UBR1: variants seen among roughly 807,000 people sequenced by gnomAD.
UBR1 encodes the protein ubiquitin protein ligase E3 component n-recognin 1.
In UBR1, 102 loss-of-function variants were observed where a neutral mutation model predicts 242.1. The observed-to-expected ratio is 0.42, with a 90% CI of 0.36 to 0.50. The LOEUF is 0.50. Ranked by LOEUF, UBR1 falls within the 20% of genes least tolerant of loss-of-function variation. UBR1 has a pLI of 0.01. For synonymous variants in UBR1, 675 were observed against 684.8 expected (o/e 0.99, Z 0.22); for missense variants, 1,772 against 2,101.8 (o/e 0.84, Z 3.07).
intron 3 of UBR1, among the ~76,000 whole-genome samples, chr15:43,076,195 C>T (rs1027192664): frequency 6.6e-6 from 1 of 151,890 alleles, no homozygotes; most frequent in South Asian, 2.1e-4. Flanking sequence ...TTGGCCGGGC[C>T]AGTCTCCAGC....
intron 43 of UBR1, 22 bp from the exon 44 acceptor site, chr15:42,958,112 A>T: frequency 6.3e-7 from 1 of 1,578,088 alleles, no homozygotes; most frequent in South Asian, 1.1e-5. Context: ...TTTAAAAGGC[A>T]ATTTTATTTT....
chr15:43,018,941 A>C (rs902761405), intron 27 of UBR1, among the ~76,000 whole-genome samples: 1 of 152,226 alleles, frequency 6.6e-6, no homozygotes, highest in African/African-American at 2.4e-5. Flanking sequence ...TGGTACCTCG[A>C]TTTACTTTCT....
Position 42,966,205 on chromosome 15 carries a change from T to G in UBR1, c.4539A>C (p.Ala1513=). ...NGITPYLRCA[A]LFFHYLLGVT... ...CCCCAAGTAAATAGTGGAAAAACAA[T>G]GCAGCACAGCGAAGATAAGGGGTGA... The change falls in exon 41 of 47, where the codon GCA becomes GCC. Residue 1513 remains alanine (A), a synonymous_variant. Coordinates refer to ENST00000290650, the MANE Select transcript of UBR1 (RefSeq NM_174916.3). The G allele has an allele frequency of 6.2e-7, 1 of 1,614,128 alleles. No homozygotes were observed. The highest frequency in any genetic ancestry group is 1.1e-5 in the South Asian group (1 of 91,092).
At chr15:42,988,618 G>A in intron 35 of UBR1, 1 of 684,204 alleles carries the variant, frequency 1.5e-6, no homozygotes, top group Admixed American at 2.6e-5. Flanking sequence ...GTTGCATATG[G>A]CCACAATCAT....
At chr15:43,013,094 C>T (rs766316415) in intron 29 of UBR1, among the ~76,000 whole-genome samples, 3 of 152,078 alleles carry the variant, frequency 2.0e-5, no homozygotes, top group Non-Finnish European at 4.4e-5. Flanking sequence ...TTAGTAGAGA[C>T]GGGGTTTTGC....
chr15:43,027,450 A>C (rs2033192871), intron 22 of UBR1, among the ~76,000 whole-genome samples: 1 of 152,128 alleles, frequency 6.6e-6, no homozygotes, highest in African/African-American at 2.4e-5. Flanking sequence ...TTAGCATATA[A>C]AATAAAAATT....
chr15:43,091,577 A>G (rs2034105735), intron 1 of UBR1, among the ~76,000 whole-genome samples: 1 of 152,158 alleles, frequency 6.6e-6, no homozygotes, highest in Non-Finnish European at 1.5e-5. Context: ...ACCGAACACT[A>G]CTGAAGGCTA....
chr15:43,076,193 G>A (rs995500516), intron 3 of UBR1, among the ~76,000 whole-genome samples: 9 of 151,924 alleles, frequency 5.9e-5, no homozygotes, highest in Non-Finnish European at 1.3e-4. Flanking sequence ...TGTTGGCCGG[G>A]CCAGTCTCCA....
At chr15:43,098,132 G>C (rs969879573) in intron 1 of UBR1, among the ~76,000 whole-genome samples, 2 of 152,174 alleles carry the variant, frequency 1.3e-5, no homozygotes, top group African/African-American at 4.8e-5. Context: ...TCCCATCTTA[G>C]GGTATAGGGA....
At chr15:42,980,589 TATCCATCC>T (rs111388433) in intron 37 of UBR1, among the ~76,000 whole-genome samples, 11 of 151,612 alleles carry the variant, frequency 7.3e-5, no homozygotes, top group African/African-American at 1.9e-4. Flanking sequence ...CCTATCTATC[TATCCATCC>T]ATCCATCCAT....
At chr15:43,060,843 A>G (rs1405766312) in intron 6 of UBR1, among the ~76,000 whole-genome samples, 1 of 152,138 alleles carries the variant, frequency 6.6e-6, no homozygotes, top group Admixed American at 6.6e-5. Context: ...ACTTTTAACC[A>G]TCCTGTAATA....
chr15:43,038,380 G>A (rs1366768344), intron 15 of UBR1, 148 bp from the exon 16 acceptor site: 1 of 705,468 alleles, frequency 1.4e-6, no homozygotes. Context: ...AGGCCTAGGT[G>A]GGTGGATCAT....
At chr15:43,056,717 A>T (rs1414081681) in intron 10 of UBR1, among the ~76,000 whole-genome samples, 4 of 152,224 alleles carry the variant, frequency 2.6e-5, no homozygotes, top group Non-Finnish European at 5.9e-5. Flanking sequence ...CAAACAAACA[A>T]ACAAAAAACA....
chr15:43,017,087 T>C lies in UBR1; in HGVS notation c.3027+8A>G. Reference sequence around the variant, plus strand: ...CACCATTACTACAGTGTTATTACAGTGTCATACCTCATCATTCTTAATAGA... The same window carrying C: ...CACCATTACTACAGTGTTATTACAGCGTCATACCTCATCATTCTTAATAGA... On this transcript the variant is annotated splice_region_variant and intron_variant, in intron 28 of 46. Transcript: ENST00000290650. The C allele has an allele frequency of 1.2e-6, 2 of 1,604,270 alleles. No individual in the cohort carries two copies. The highest frequency in any genetic ancestry group is 1.7e-6 in the Non-Finnish European group (2 of 1,171,352).
At chr15:43,070,648 C>T (rs1213853818) in intron 5 of UBR1, 147 bp downstream of exon 5, 2 of 1,258,810 alleles carry the variant, frequency 1.6e-6, no homozygotes, top group Non-Finnish European at 2.3e-6. Context: ...TACAAACGGA[C>T]ATTTTGAAAT....
chr15:43,095,310 A>G (rs2034146072), intron 1 of UBR1, among the ~76,000 whole-genome samples: 1 of 152,206 alleles, frequency 6.6e-6, no homozygotes, highest in African/African-American at 2.4e-5. Flanking sequence ...ACTCCTCTAA[A>G]CAAGTCAAAC....
chr15:43,043,164 C>T, intron 15 of UBR1, 51 bp downstream of exon 15: 1 of 1,593,718 alleles, frequency 6.3e-7, no homozygotes, highest in Non-Finnish European at 8.6e-7. Flanking sequence ...TAAATGAATA[C>T]CTAGAAAGAA....
chr15:43,038,956 T>C (rs904967196), intron 15 of UBR1, among the ~76,000 whole-genome samples: 4 of 152,000 alleles, frequency 2.6e-5, no homozygotes, highest in South Asian at 2.1e-4. Context: ...CAAAAATTTT[T>C]ATTTTCATTA....
At chr15:42,969,395 C>T (rs970414396) in intron 40 of UBR1, among the ~76,000 whole-genome samples, 12 of 151,852 alleles carry the variant, frequency 7.9e-5, no homozygotes, top group Non-Finnish European at 1.5e-4. Context: ...TGTTTAAGTT[C>T]TTTGTAGATT....
Sources: allele counts gnomAD v4.1 joint callset (sites outside exome capture counted in the v4.1 genomes callset), GRCh38; gene constraint gnomAD v4.1.1; transcripts MANE v1.5; gene names NCBI Gene and HGNC (gene_info 2026-07-23, HGNC 2026-07-21).